NMT1: variants seen among roughly 807,000 people sequenced by gnomAD.
The protein encoded by NMT1 is glycylpeptide N-tetradecanoyltransferase 1.
NMT1 carries 12 observed loss-of-function variants against 63.4 expected under a neutral mutation model. That is an observed-to-expected ratio of 0.19 (90% CI 0.12 to 0.31). NMT1 has a LOEUF of 0.31. NMT1 is among the 10% of genes least tolerant of loss of function. The probability of loss-of-function intolerance (pLI) is 1.00; values close to 1 mark genes in which losing one functional copy is unlikely to be tolerated. For missense variants in NMT1, 432 were observed against 634.6 expected (o/e 0.68, Z 3.43); for synonymous variants, 228 against 234.3 (o/e 0.97, Z 0.25).
At chr17:45,077,617 C>A (rs549921303) in intron 1 of NMT1, among the ~76,000 whole-genome samples, 15 of 152,132 alleles carry the variant, frequency 9.9e-5, no homozygotes, top group African/African-American at 3.6e-4. Context: ...CTCGAACTCC[C>A]GACCTCAGGT....
In NMT1 at chr17:45,086,826, A is replaced by G. The variant is rs546428917; in HGVS notation, c.385+174A>G. On this transcript the variant is annotated intron_variant, in intron 3 of 11. Coordinates refer to ENST00000258960, the MANE Select transcript of NMT1 (RefSeq NM_021079.5). ...AAATGCAGCATAAAGACTATCATTCAGAGACCTTACCATTTTATAGCAGCA... is the reference window on the plus strand; with the variant it reads ...AAATGCAGCATAAAGACTATCATTCGGAGACCTTACCATTTTATAGCAGCA... 2.0e-5 allele frequency among the ~76,000 whole-genome samples: 3 copies of G among 152,290 alleles called. No homozygotes were observed. The South Asian group carries it at 6.2e-4, about 32-fold the overall frequency.
intron 3 of NMT1, among the ~76,000 whole-genome samples, chr17:45,087,157 C>A (rs2054060440): frequency 6.7e-6 from 1 of 150,130 alleles, no homozygotes; most frequent in Non-Finnish European, 1.5e-5. Context: ...GTGAGACCCC[C>A]AACTCAAAAA....
chr17:45,106,545 T>G lies in NMT1; in HGVS notation c.*906T>G, dbSNP rs2054203714. 6.6e-6 allele frequency: 1 copy of G among 152,670 alleles called. No individual in the cohort carries two copies. Among genetic ancestry groups the G allele is most frequent in the Non-Finnish European group, 1.5e-5 (1 of 68,074 alleles). 9.5% of individuals were successfully genotyped at this position (152,670 alleles called of 1,614,324 possible). On this transcript the variant is annotated 3_prime_UTR_variant, in exon 12 of 12. Coordinates refer to ENST00000258960, the MANE Select transcript of NMT1 (RefSeq NM_021079.5). ...GTTTGAAGAGGCCCTTGGACCTCCT[T>G]GTAACATCAGGGACCTTTGGAGACC... is the stretch of plus-strand genomic sequence containing the variant.
chr17:45,061,674 T>G (rs1597997490), intron 1 of NMT1: 1 of 511,910 alleles, frequency 2.0e-6, no homozygotes, highest in East Asian at 3.5e-5. Context: ...AGTACTTTTA[T>G]TATATAAAAG....
chr17:45,103,085 C>T lies in NMT1; in HGVS notation c.1128C>T (p.Tyr376=), dbSNP rs2054178578. ...AGGAGGAGGTGGAGCACTGGTTCTACCCCCAGGAGAATATCATCGACACTT... is the reference window on the plus strand; with the variant it reads ...AGGAGGAGGTGGAGCACTGGTTCTATCCCCAGGAGAATATCATCGACACTT... ...MSQEEVEHWF[Y]PQENIIDTFV... Residue 376 remains tyrosine, a synonymous_variant, in exon 9 of 12, where the codon TAC becomes TAT. Coordinates refer to ENST00000258960, the MANE Select transcript of NMT1 (RefSeq NM_021079.5). This position sits in a 1 kb window ranked among gnomAD's most constrained non-coding sequence, Gnocchi z 4.8. The T allele has an allele frequency of 6.2e-7, 1 of 1,613,060 alleles. No individual in the cohort carries two copies.
chr17:45,077,789 A>G (rs560968347), intron 1 of NMT1, among the ~76,000 whole-genome samples: 71 of 152,312 alleles, frequency 4.7e-4, no homozygotes, highest in African/African-American at 1.7e-3. Flanking sequence ...TAGGCTGCAG[A>G]TGGTCCTGTG....
intron 3 of NMT1, 153 bp from the exon 4 acceptor site, chr17:45,093,532 G>A: frequency 3.3e-6 from 2 of 610,842 alleles, no homozygotes; most frequent in Non-Finnish European, 5.7e-6. Context: ...AAGGGTAGCT[G>A]GAAAGACGGT....
intron 1 of NMT1, among the ~76,000 whole-genome samples, chr17:45,076,294 C>T (rs374152582): frequency 1.4e-3 from 206 of 151,996 alleles, no homozygotes; most frequent in African/African-American, 4.4e-3. Context: ...TTATAATTAC[C>T]ATGAAAGCTA....
rs1325021068 is a variant in NMT1 at position 45,071,109 on chromosome 17, AC to A, written c.131+9651del. Among the ~76,000 whole-genome samples, 4 of 152,210 alleles carry A rather than the reference AC, an allele frequency of 2.6e-5. No individual in the cohort carries two copies. In the East Asian group the frequency reaches 5.8e-4, roughly 22 times the overall value. On this transcript the variant is annotated intron_variant, in intron 1 of 11. Transcript: ENST00000258960. ...TACTAATAGGATTATTAGTGAACTT[AC>A]CATACTTCAAGAGTTAATTGATTTG...
chr17:45,076,551 A>G (rs1327598726), intron 1 of NMT1, among the ~76,000 whole-genome samples: 1 of 151,816 alleles, frequency 6.6e-6, no homozygotes, highest in African/African-American at 2.4e-5. Context: ...GGAGTTTGAG[A>G]CCAGACTGAC....
chr17:45,086,464 C>G (rs1363218904), intron 2 of NMT1, 44 bp from the exon 3 acceptor site: 12 of 1,563,090 alleles, frequency 7.7e-6, no homozygotes, highest in Non-Finnish European at 1.0e-5. Context: ...AAAAGTCTTA[C>G]TAACATAATG....
At chr17:45,070,214 A>G (rs8066395) in intron 1 of NMT1, among the ~76,000 whole-genome samples, 34,302 of 151,870 alleles carry the variant, frequency 0.23, 4,482 homozygotes, top group African/African-American at 0.34. Context: ...CCCTTTTTAT[A>G]ACCTGCTGTT....
At chr17:45,088,259 G>A (rs1005446329) in intron 3 of NMT1, among the ~76,000 whole-genome samples, 1 of 152,232 alleles carries the variant, frequency 6.6e-6, no homozygotes, top group Non-Finnish European at 1.5e-5. Context: ...CCAGTTTCTC[G>A]CTGAGGAGCA....
At chr17:45,086,998 T>TG (rs140601095) in intron 3 of NMT1, among the ~76,000 whole-genome samples, 1 of 143,238 alleles carries the variant, frequency 7.0e-6, no homozygotes. Flanking sequence ...CCACAAAAAG[T>TG]AAAAAAAAAA....
intron 1 of NMT1, among the ~76,000 whole-genome samples, chr17:45,063,897 GA>G (rs1208105004): frequency 6.7e-6 from 1 of 148,728 alleles, no homozygotes. Flanking sequence ...CCCTGTCTCA[GA>G]AAAAAAAGTG....
intron 6 of NMT1, 95 bp downstream of exon 6, chr17:45,097,339 AGGAAGAG>A: frequency 1.0e-6 from 1 of 966,966 alleles, no homozygotes; most frequent in Non-Finnish European, 1.7e-6. Flanking sequence ...GCCCCATGAA[AGGAAGAG>A]GGAAGGTCTC....
intron 3 of NMT1, among the ~76,000 whole-genome samples, chr17:45,090,738 T>G (rs1388768899): frequency 6.6e-6 from 1 of 152,082 alleles, no homozygotes; most frequent in Non-Finnish European, 1.5e-5. Context: ...AGAAACCCAT[T>G]GAAAGCTCAG....
At chr17:45,065,941 G>A (rs1211959187) in intron 1 of NMT1, among the ~76,000 whole-genome samples, 2 of 151,150 alleles carry the variant, frequency 1.3e-5, no homozygotes, top group Non-Finnish European at 2.9e-5. Flanking sequence ...CAAACTCCTG[G>A]GTTCAAGTGA....
At chr17:45,081,983 T>C (rs2054019829) in intron 2 of NMT1, among the ~76,000 whole-genome samples, 1 of 152,134 alleles carries the variant, frequency 6.6e-6, no homozygotes, top group Non-Finnish European at 1.5e-5. Flanking sequence ...ATGGTGCCCA[T>C]CAGAATGGAC....
Sources: gnomAD v4.1 joint callset for allele counts (sites outside exome capture counted in the v4.1 genomes callset) on GRCh38, gnomAD v4.1.1 for gene constraint, Gnocchi (gnomAD v3.1) non-coding constraint, MANE v1.5 for transcripts, NCBI Gene and HGNC (gene_info 2026-07-23, HGNC 2026-07-21) for gene names.